Variants in TLR5 observed in about 807,000 individuals in gnomAD.
TLR5 encodes the protein toll like receptor 5, also known as toll-like receptor 5.
For synonymous variants in TLR5, 373 were observed against 384.4 expected, an observed-to-expected ratio of 0.97 and a Z score of 0.35; for missense variants, 944 against 999.8, an observed-to-expected ratio of 0.94 and a Z score of 0.75.
intron 5 of TLR5, among the ~76,000 whole-genome samples, chr1:223,121,313 G>A (rs1467230727): frequency 6.6e-6 from 1 of 152,116 alleles, no homozygotes; most frequent in East Asian, 1.9e-4. Flanking sequence ...ATGTATGTAG[G>A]TGGATTATGT....
rs2102932152 is a variant in TLR5, at chr1:223,134,869, A to T, written c.-352-5T>A. The T allele has an allele frequency of 6.6e-6, 1 of 152,384 alleles. No individual in the cohort carries two copies. The highest frequency in any genetic ancestry group is 3.4e-3 in the Middle Eastern group (1 of 294). The allele number at this position is 152,384 out of a possible 1,614,324, so 9.4% of individuals were successfully genotyped here. On this transcript the variant is annotated splice_region_variant and splice_polypyrimidine_tract_variant and intron_variant, in intron 3 of 5. Coordinates refer to ENST00000642603, the MANE Select transcript of TLR5 (RefSeq NM_003268.6). ...GGGAAGTCCAGTATAGCATCCCTGA[A>T]AGTAATGACACAGACAATCTGCTAA...
rs1656297021 is a variant in TLR5 at position 223,111,034 on chromosome 1, G to C, written c.1998C>G (p.Phe666Leu). ...TILTVTKFRGFCFICYKTAQR... is the reference protein window; with the variant it reads ...TILTVTKFRGLCFICYKTAQR... ...GGGCTGTCTTATAACAGATAAAACAGAAGCCCCGGAACTTTGTGACTGTGA... is the reference window on the plus strand; with the variant it reads ...GGGCTGTCTTATAACAGATAAAACACAAGCCCCGGAACTTTGTGACTGTGA... Residue 666 changes from phenylalanine (F) to leucine (L), a missense_variant, in exon 6 of 6, where the codon TTC becomes TTG. Phe to Leu is a conservative substitution (Grantham distance 22, BLOSUM62 0). Coordinates refer to ENST00000642603, the MANE Select transcript of TLR5 (RefSeq NM_003268.6). 1 of 1,614,180 alleles carries C rather than the reference G, an allele frequency of 6.2e-7. No individual in the cohort carries two copies. Among genetic ancestry groups the C allele is most frequent in the East Asian group, 2.2e-5 (1 of 44,888 alleles).
At position 223,110,423 on chromosome 1, in the gene TLR5, G is replaced by A; in HGVS notation, c.*32C>T. The A allele has an allele frequency of 6.2e-7, 1 of 1,610,186 alleles. No individual in the cohort carries two copies. The highest frequency in any genetic ancestry group is 8.5e-7 in the Non-Finnish European group (1 of 1,177,428). Reference sequence around the variant, plus strand: ...AAATACAAAGTGAAGAGTTATTTGTGGCTTGAGATAAGTTGGAAATTGCTC... The same window carrying A: ...AAATACAAAGTGAAGAGTTATTTGTAGCTTGAGATAAGTTGGAAATTGCTC... On this transcript the variant is annotated 3_prime_UTR_variant, in exon 6 of 6. Coordinates refer to ENST00000642603, the MANE Select transcript of TLR5 (RefSeq NM_003268.6).
At chr1:223,133,239 TTGTC>T (rs1657463987) in intron 4 of TLR5, among the ~76,000 whole-genome samples, 1 of 152,226 alleles carries the variant, frequency 6.6e-6, no homozygotes, top group Admixed American at 6.5e-5. Flanking sequence ...GGTTAAGCAC[TTGTC>T]TAAGATCTCA....
At chr1:223,113,789 T>G (rs1656492245) in intron 5 of TLR5, among the ~76,000 whole-genome samples, 1 of 152,176 alleles carries the variant, frequency 6.6e-6, no homozygotes, top group African/African-American at 2.4e-5. Flanking sequence ...AACTCTATGT[T>G]TCTTCATTCA....
rs544416860 is a variant in TLR5 at position 223,143,037 on chromosome 1, G to C, written c.-555+159C>G. The stretch of plus-strand genomic sequence containing the variant: ...GCCGCGGGGCAGAGAGCGCCGCCTA[G>C]TGAGGCGGCGCGAGTTGGACATAGA... On this transcript the variant is annotated intron_variant, in intron 1 of 5. Coordinates refer to ENST00000642603, the MANE Select transcript of TLR5 (RefSeq NM_003268.6). 2.2e-3 allele frequency among the ~76,000 whole-genome samples: 335 copies of C among 152,220 alleles called. 2 individuals carry two copies. Among genetic ancestry groups the C allele is most frequent in the African/African-American group, 7.5e-3 (313 of 41,570 alleles).
At chr1:223,113,162 C>T in intron 5 of TLR5, 127 bp from the exon 6 acceptor site, 1 of 895,808 alleles carries the variant, frequency 1.1e-6, no homozygotes. Context: ...TCCTCTGACT[C>T]CACAGACGTG....
At chr1:223,142,670 T>C (rs1211671189) in intron 1 of TLR5, among the ~76,000 whole-genome samples, 1 of 152,216 alleles carries the variant, frequency 6.6e-6, no homozygotes, top group Non-Finnish European at 1.5e-5. Context: ...CCACGGAGTC[T>C]TGGCCAGTGT....
chr1:223,141,535 G>C (rs1657838299), intron 2 of TLR5, 113 bp downstream of exon 2: 1 of 152,028 alleles, frequency 6.6e-6, no homozygotes, highest in Non-Finnish European at 1.5e-5. Flanking sequence ...CACTGTGGGA[G>C]GCCAAGACAG....
intron 1 of TLR5, 68 bp from the exon 2 acceptor site, chr1:223,141,831 A>T (rs1325075773): frequency 1.7e-5 from 2 of 117,944 alleles, no homozygotes; most frequent in Non-Finnish European, 3.6e-5. Flanking sequence ...ATAGAGAGAG[A>T]GAGAGAGAGA....
At position 223,111,032 on chromosome 1, in the gene TLR5, C is replaced by G; in HGVS notation, c.2000G>C (p.Cys667Ser). ...ILTVTKFRGF[C>S]FICYKTAQRL... ...CTGGGCTGTCTTATAACAGATAAAA[C>G]AGAAGCCCCGGAACTTTGTGACTGT... Residue 667 changes from cysteine to serine, a missense_variant, in exon 6 of 6, where the codon TGT becomes TCT. By Grantham distance (112) the Cys-to-Ser change is moderately radical. Transcript: ENST00000642603. The G allele has an allele frequency of 1.2e-6, 2 of 1,614,180 alleles. 1 individual carries two copies. The highest frequency in any genetic ancestry group is 2.2e-5 in the South Asian group (2 of 91,076).
intron 5 of TLR5, among the ~76,000 whole-genome samples, chr1:223,125,919 C>G (rs1023660905): frequency 1.3e-5 from 2 of 152,100 alleles, no homozygotes; most frequent in African/African-American, 2.4e-5. Flanking sequence ...AGCTTAGAAC[C>G]ATGTGGGCTG....
In TLR5 at chr1:223,111,181, A is replaced by C. The variant is rs773113683; in HGVS notation, c.1851T>G (p.Ser617=). ...DIYCVYPDSF[S]GVSLFSLSTE... ...TGGAAAGAGAGAAGAGGGAAACCCCAGAGAACGAGTCAGGGTACACACAAT... is the reference window on the plus strand; with the variant it reads ...TGGAAAGAGAGAAGAGGGAAACCCCCGAGAACGAGTCAGGGTACACACAAT... Residue 617 remains serine, a synonymous_variant, in exon 6 of 6, where the codon TCT becomes TCG. Coordinates refer to ENST00000642603, the MANE Select transcript of TLR5 (RefSeq NM_003268.6). 1 of 1,614,236 alleles carries C rather than the reference A, an allele frequency of 6.2e-7. No individual in the cohort carries two copies. The highest frequency in any genetic ancestry group is 8.5e-7 in the Non-Finnish European group (1 of 1,180,028).
Position 223,110,318 on chromosome 1 carries a change from TGA to T in TLR5, c.*135_*136del. The T allele has an allele frequency of 1.2e-6, 1 of 855,564 alleles. No homozygotes were observed. Among genetic ancestry groups the T allele is most frequent in the South Asian group, 1.6e-5 (1 of 63,390 alleles). 53.0% of individuals were successfully genotyped at this position (855,564 alleles called of 1,614,324 possible). A position where few individuals can be genotyped will look rare whatever the true frequency, so the allele number is the denominator to read the frequency against. On this transcript the variant is annotated 3_prime_UTR_variant, in exon 6 of 6. Transcript: ENST00000642603. ...CAGAACATGGTGTTGATACGAAAAT[TGA>T]GAGATTTATGTTGTTTTCATAGTAG...
chr1:223,112,836 A>C lies in TLR5; in HGVS notation c.196T>G (p.Phe66Val). The C allele has an allele frequency of 6.2e-7, 1 of 1,612,858 alleles. No individual in the cohort carries two copies. The highest frequency in any genetic ancestry group is 8.5e-7 in the Non-Finnish European group (1 of 1,179,278). ...AGCTGCAGCTGTTCCAGAAAGGGGA[A>C]GGATGAAGCAGTGACTGTCCTGATA... Reference protein sequence around the residue: ...NYIRTVTASSFPFLEQLQLLE... With the variant: ...NYIRTVTASSVPFLEQLQLLE... Residue 66 changes from phenylalanine (F) to valine (V), a missense_variant, in exon 6 of 6, where the codon TTC (phenylalanine) becomes GTC (valine). Phe to Val is a conservative substitution (Grantham distance 50). Coordinates refer to ENST00000642603, the MANE Select transcript of TLR5 (RefSeq NM_003268.6).
At chr1:223,128,945 C>G (rs982992459) in intron 5 of TLR5, 1 of 152,234 alleles carries the variant, frequency 6.6e-6, no homozygotes, top group Non-Finnish European at 1.5e-5. Flanking sequence ...AACTTGCAGT[C>G]AAGACCCTCT....
In TLR5 at chr1:223,111,177, C is replaced by T. The variant is rs748338068; in HGVS notation, c.1855G>A (p.Val619Ile). The change falls in exon 6 of 6, where the codon GTT becomes ATT. Residue 619 changes from valine (V) to isoleucine (I), a missense_variant. Transcript: ENST00000642603. ...TCCGTGGAAAGAGAGAAGAGGGAAA[C>T]CCCAGAGAACGAGTCAGGGTACACA... ...YCVYPDSFSG[V>I]SLFSLSTEGC... The T allele has an allele frequency of 6.5e-5, 105 of 1,614,162 alleles. No homozygotes were observed. The East Asian group carries it at 2.3e-3, about 36-fold the overall frequency.
At chr1:223,140,284 C>T (rs1040381791) in intron 2 of TLR5, among the ~76,000 whole-genome samples, 11 of 152,244 alleles carry the variant, frequency 7.2e-5, no homozygotes, top group East Asian at 5.8e-4. Flanking sequence ...TGGTGGCTCA[C>T]GCCTGTAATC....
At chr1:223,115,250 TTTATTTA>T (rs1002317755) in intron 5 of TLR5, among the ~76,000 whole-genome samples, 3 of 152,152 alleles carry the variant, frequency 2.0e-5, no homozygotes, top group Non-Finnish European at 2.9e-5. Flanking sequence ...CAGGCACTGT[TTTATTTA>T]TTATTTATTT....
Sources: allele counts gnomAD v4.1 joint callset (sites outside exome capture counted in the v4.1 genomes callset), GRCh38; gene constraint gnomAD v4.1.1; transcripts MANE v1.5; gene names NCBI Gene and HGNC (gene_info 2026-07-23, HGNC 2026-07-21).